Variants in ACMSD observed in about 807,000 individuals in gnomAD.
The protein encoded by ACMSD is 2-amino-3-carboxymuconate-6-semialdehyde decarboxylase.
A neutral mutation model predicts 45.9 loss-of-function variants in ACMSD; 37 were observed. The ratio of observed to expected loss-of-function variants is 0.81; its 90% CI spans 0.62 to 1.06. ACMSD has a LOEUF of 1.06. Among genes scored for constraint, ACMSD ranks in the 50% least tolerant of loss-of-function variants. The probability of loss-of-function intolerance (pLI) is 0.00; values close to 1 mark genes in which losing one functional copy is unlikely to be tolerated. For synonymous variants in ACMSD, 138 were observed against 148.8 expected, an observed-to-expected ratio of 0.93 and a Z score of 0.53; for missense variants, 434 against 420.9, an observed-to-expected ratio of 1.03 and a Z score of -0.27.
intron 2 of ACMSD, among the ~76,000 whole-genome samples, chr2:134,850,878 G>A (rs1687309500): frequency 6.6e-6 from 1 of 152,126 alleles, no homozygotes; most frequent in Admixed American, 6.5e-5. Context: ...GGGTATGATT[G>A]AACCCGCCAC....
chr2:134,853,250 T>C (rs1195782767), intron 2 of ACMSD, among the ~76,000 whole-genome samples: 2 of 150,730 alleles, frequency 1.3e-5, no homozygotes, highest in Admixed American at 6.6e-5. Flanking sequence ...ATACCAGCCA[T>C]ATTTGGGCTT....
At chr2:134,850,548 G>A (rs962332815) in intron 2 of ACMSD, among the ~76,000 whole-genome samples, 1 of 152,184 alleles carries the variant, frequency 6.6e-6, no homozygotes, top group Non-Finnish European at 1.5e-5. Context: ...GATTATAGGC[G>A]TGAGCCAACA....
intron 2 of ACMSD, among the ~76,000 whole-genome samples, chr2:134,853,167 TAAAA>T (rs201350282): frequency 1.9e-5 from 2 of 106,556 alleles, no homozygotes; most frequent in Non-Finnish European, 1.9e-5. Context: ...CATCTCAATC[TAAAA>T]AAAAAAAAAA....
At chr2:134,864,431 ATAGT>A (rs1195426058) in intron 5 of ACMSD, among the ~76,000 whole-genome samples, 2 of 152,218 alleles carry the variant, frequency 1.3e-5, no homozygotes, top group African/African-American at 2.4e-5. Flanking sequence ...GTTACCATAC[ATAGT>A]TACTTTCTTG....
At chr2:134,870,025 GC>G (rs1688347857) in intron 6 of ACMSD, among the ~76,000 whole-genome samples, 1 of 152,224 alleles carries the variant, frequency 6.6e-6, no homozygotes, top group African/African-American at 2.4e-5. Context: ...GCAGCTGGGT[GC>G]CAGGGGCGTC....
chr2:134,873,095 A>G (rs1688543482), intron 8 of ACMSD: 2 of 165,424 alleles, frequency 1.2e-5, no homozygotes, highest in Non-Finnish European at 2.7e-5. Flanking sequence ...AAACTGGAAC[A>G]TTGAAAGTGT....
chr2:134,891,743 G>A (rs1252692488), intron 8 of ACMSD, among the ~76,000 whole-genome samples: 2 of 152,106 alleles, frequency 1.3e-5, no homozygotes, highest in South Asian at 2.1e-4. Context: ...CTACCCAAAG[G>A]AAAAGAAATC....
chr2:134,865,436 C>A (rs931128580), intron 5 of ACMSD, among the ~76,000 whole-genome samples: 4 of 152,208 alleles, frequency 2.6e-5, no homozygotes, highest in African/African-American at 7.2e-5. Context: ...TAGGAAGCAA[C>A]AGCAGCCGGT....
chr2:134,897,890 T>TG (rs1036979840), intron 8 of ACMSD, among the ~76,000 whole-genome samples: 32 of 150,684 alleles, frequency 2.1e-4, no homozygotes, highest in Admixed American at 1.8e-3. Context: ...TTTTTGTTTT[T>TG]TTTTTTTTAC....
chr2:134,857,600 T>C (rs925682644), intron 2 of ACMSD, among the ~76,000 whole-genome samples: 1 of 152,144 alleles, frequency 6.6e-6, no homozygotes, highest in South Asian at 2.1e-4. Context: ...GGGTTTTCTA[T>C]GTATAAAACC....
intron 8 of ACMSD, among the ~76,000 whole-genome samples, chr2:134,886,246 A>ATTATTATTTTTTTTTTTTTTTTTTTT: frequency 8.7e-6 from 1 of 115,454 alleles, no homozygotes; most frequent in African/African-American, 3.6e-5. Context: ...TATTATTATT[A>ATTATTATTTTTTTTTTTTTTTTTTTT]TTTTTTTTTT....
At chr2:134,881,939 G>A (rs1009281705) in intron 8 of ACMSD, among the ~76,000 whole-genome samples, 16 of 152,140 alleles carry the variant, frequency 1.1e-4, no homozygotes, top group African/African-American at 3.6e-4. Flanking sequence ...CCAACATGGT[G>A]AAACCCCATC....
chr2:134,877,513 AT>A (rs2104902546), intron 8 of ACMSD: 1 of 152,390 alleles, frequency 6.6e-6, no homozygotes, highest in East Asian at 1.9e-4. Flanking sequence ...TTCAAGGTGG[AT>A]TTTACCCATG....
chr2:134,841,293 G>A (rs1271884463), intron 1 of ACMSD, among the ~76,000 whole-genome samples: 3 of 152,094 alleles, frequency 2.0e-5, no homozygotes, highest in East Asian at 1.9e-4. Context: ...TCCCTCAAGA[G>A]CCTCCCCACC....
chr2:134,865,174 G>A (rs1345769167), intron 5 of ACMSD, among the ~76,000 whole-genome samples: 1 of 152,180 alleles, frequency 6.6e-6, no homozygotes, highest in African/African-American at 2.4e-5. Flanking sequence ...CCACCAGTCA[G>A]GAGATTGCCT....
At chr2:134,886,246 A>ATTATTATTTTTTTTTTTTTTTTT in intron 8 of ACMSD, among the ~76,000 whole-genome samples, 1 of 115,476 alleles carries the variant, frequency 8.7e-6, no homozygotes, top group African/African-American at 3.6e-5. Flanking sequence ...TATTATTATT[A>ATTATTATTTTTTTTTTTTTTTTT]TTTTTTTTTT....
chr2:134,857,088 G>A (rs1179467839), intron 2 of ACMSD, among the ~76,000 whole-genome samples: 2 of 152,050 alleles, frequency 1.3e-5, no homozygotes, highest in Non-Finnish European at 2.9e-5. Context: ...ATAGTTTTCA[G>A]ATCTTTCACC....
chr2:134,846,647 T>C (rs1409339165), intron 2 of ACMSD, among the ~76,000 whole-genome samples: 2 of 152,112 alleles, frequency 1.3e-5, no homozygotes, highest in East Asian at 1.9e-4. Flanking sequence ...CCTCAAGTGG[T>C]CCTCCCACTT....
At chr2:134,885,249 T>TAC (rs1458311588) in intron 8 of ACMSD, among the ~76,000 whole-genome samples, 1 of 106,980 alleles carries the variant, frequency 9.3e-6, no homozygotes, top group African/African-American at 3.9e-5. Flanking sequence ...AATATATATT[T>TAC]ATATATAATA....
Sources: gnomAD v4.1 joint callset for allele counts (sites outside exome capture counted in the v4.1 genomes callset) on GRCh38, gnomAD v4.1.1 for gene constraint, MANE v1.5 for transcripts, NCBI Gene and HGNC (gene_info 2026-07-23, HGNC 2026-07-21) for gene names.